DPP10: variants seen among roughly 807,000 people sequenced by gnomAD.
DPP10 encodes the protein dipeptidyl peptidase like 10.
A neutral mutation model predicts 120.9 loss-of-function variants in DPP10; 33 were observed. The observed-to-expected ratio is 0.27, with a 90% confidence interval of 0.21 to 0.37. The LOEUF (loss-of-function observed/expected upper bound fraction) is 0.37. DPP10 is among the 10% of genes least tolerant of loss of function. The pLI is 1.00. For synonymous variants in DPP10, 337 were observed against 326.1 expected (o/e 1.03, Z -0.36); for missense variants, 816 against 942.8 (o/e 0.87, Z 1.76).
At chr2:115,594,062 T>A (rs1037416964) in intron 5 of DPP10, among the ~76,000 whole-genome samples, 10 of 152,140 alleles carry the variant, frequency 6.6e-5, no homozygotes, top group Admixed American at 5.2e-4. Flanking sequence ...TTACCATAGG[T>A]CAGGAACCCT....
At chr2:114,873,954 T>A (rs1690925889) in intron 1 of DPP10, among the ~76,000 whole-genome samples, 1 of 152,182 alleles carries the variant, frequency 6.6e-6, no homozygotes, top group Non-Finnish European at 1.5e-5. Context: ...TTCAACCTGC[T>A]CAACGAACTC....
At chr2:114,798,722 A>G (rs536093334) in intron 1 of DPP10, among the ~76,000 whole-genome samples, 7 of 152,130 alleles carry the variant, frequency 4.6e-5, no homozygotes, top group African/African-American at 1.7e-4. Flanking sequence ...CTTGCTCTGG[A>G]TTCTGGTTAC....
intron 1 of DPP10, among the ~76,000 whole-genome samples, chr2:114,531,532 G>A (rs901938924): frequency 6.9e-6 from 1 of 145,434 alleles, no homozygotes; most frequent in African/African-American, 2.5e-5. Flanking sequence ...ATATTTATAT[G>A]TTACAGATAA....
intron 5 of DPP10, among the ~76,000 whole-genome samples, chr2:115,662,955 C>G (rs1173424055): frequency 6.6e-6 from 1 of 151,870 alleles, no homozygotes; most frequent in Non-Finnish European, 1.5e-5. Context: ...ACTTTTCTTG[C>G]ATGTAGAATT....
At chr2:115,753,100 G>A (rs1678956161) in intron 10 of DPP10, 74 bp from the exon 11 acceptor site, 2 of 1,380,290 alleles carry the variant, frequency 1.4e-6, no homozygotes, top group South Asian at 1.6e-5. Context: ...TATATAAAAT[G>A]GCAAATGTAT....
intron 1 of DPP10, among the ~76,000 whole-genome samples, chr2:114,906,792 AAG>A (rs966217965): frequency 6.6e-6 from 1 of 152,106 alleles, no homozygotes; most frequent in Non-Finnish European, 1.5e-5. Flanking sequence ...TTGTATGAAA[AAG>A]AGATATTTAT....
At chr2:114,751,398 C>T (rs1260600803) in intron 1 of DPP10, among the ~76,000 whole-genome samples, 1 of 152,188 alleles carries the variant, frequency 6.6e-6, no homozygotes, top group Non-Finnish European at 1.5e-5. Flanking sequence ...AAATGCTCAG[C>T]GTTCATTTGG....
At chr2:114,939,062 T>G (rs1696696971) in intron 1 of DPP10, among the ~76,000 whole-genome samples, 1 of 152,150 alleles carries the variant, frequency 6.6e-6, no homozygotes, top group East Asian at 1.9e-4. Flanking sequence ...CTTTTAATTA[T>G]TCTAGAATGT....
intron 1 of DPP10, among the ~76,000 whole-genome samples, chr2:114,675,193 C>T (rs928007745): frequency 1.3e-5 from 2 of 152,124 alleles, no homozygotes; most frequent in African/African-American, 4.8e-5. Flanking sequence ...GGAAGACATT[C>T]ATGAGTGGCT....
intron 5 of DPP10, among the ~76,000 whole-genome samples, chr2:115,673,017 G>A (rs1199195462): frequency 6.6e-6 from 1 of 152,050 alleles, no homozygotes; most frequent in South Asian, 2.1e-4. Flanking sequence ...CCAAAGTGCT[G>A]GGATTACAGG....
intron 5 of DPP10, among the ~76,000 whole-genome samples, chr2:115,555,504 A>C (rs779051278): frequency 6.6e-6 from 1 of 152,088 alleles, no homozygotes; most frequent in African/African-American, 2.4e-5. Flanking sequence ...ATGCAGACTC[A>C]TCTCTCAGTA....
intron 1 of DPP10, among the ~76,000 whole-genome samples, chr2:115,108,669 T>G (rs1160902475): frequency 6.6e-6 from 1 of 152,168 alleles, no homozygotes; most frequent in African/African-American, 2.4e-5. Context: ...TAAATTGAAT[T>G]TTAGCTTCAT....
chr2:114,505,865 TTG>T (rs1037813454), intron 1 of DPP10, among the ~76,000 whole-genome samples: 2 of 152,356 alleles, frequency 1.3e-5, no homozygotes, highest in Middle Eastern at 3.4e-3. Context: ...TATCATTTCA[TTG>T]TGACGAGTTC....
At chr2:115,276,614 A>G (rs2059930689) in intron 1 of DPP10, among the ~76,000 whole-genome samples, 1 of 152,118 alleles carries the variant, frequency 6.6e-6, no homozygotes, top group South Asian at 2.1e-4. Context: ...GATGCCATTT[A>G]TTTCTTGATG....
chr2:115,245,336 C>G (rs1205309218), intron 1 of DPP10, among the ~76,000 whole-genome samples: 1 of 151,632 alleles, frequency 6.6e-6, no homozygotes, highest in Non-Finnish European at 1.5e-5. Context: ...AGACAATTCT[C>G]AAAAGAAGAT....
intron 1 of DPP10, among the ~76,000 whole-genome samples, chr2:115,216,534 A>G (rs1472313036): frequency 2.6e-5 from 4 of 152,188 alleles, no homozygotes; most frequent in African/African-American, 9.7e-5. Flanking sequence ...CTGTAATCCA[A>G]GCACTTTGGG....
intron 1 of DPP10, among the ~76,000 whole-genome samples, chr2:114,881,737 A>G (rs1691663157): frequency 6.6e-6 from 1 of 152,112 alleles, no homozygotes; most frequent in South Asian, 2.1e-4. Context: ...ATTAGATTAT[A>G]GAGATCATGA....
chr2:115,494,624 T>A (rs2076297195), intron 3 of DPP10, among the ~76,000 whole-genome samples: 1 of 152,204 alleles, frequency 6.6e-6, no homozygotes, highest in South Asian at 2.1e-4. Context: ...TCTTGTTGTT[T>A]AACAAACCCT....
chr2:115,206,580 A>T (rs565740196), intron 1 of DPP10, among the ~76,000 whole-genome samples: 74 of 152,320 alleles, frequency 4.9e-4, no homozygotes, highest in African/African-American at 1.4e-3. Flanking sequence ...TATTTGTTCT[A>T]CAGAAGACAT....
Sources: gnomAD v4.1 joint callset for allele counts (sites outside exome capture counted in the v4.1 genomes callset) on GRCh38, gnomAD v4.1.1 for gene constraint, MANE v1.5 for transcripts, NCBI Gene and HGNC (gene_info 2026-07-23, HGNC 2026-07-21) for gene names.